CCDC60: variants seen among roughly 807,000 people sequenced by gnomAD.
CCDC60 encodes coiled-coil domain-containing protein 60.
Under a neutral mutation model 63.5 loss-of-function variants are expected in CCDC60, and 54 were observed. That is an observed-to-expected ratio of 0.85 (90% confidence interval 0.68 to 1.07). The LOEUF is 1.07. Among genes scored for constraint, CCDC60 ranks in the 50% least tolerant of loss-of-function variants. CCDC60 has a pLI of 0.00. For missense variants in CCDC60, 651 were observed against 684.3 expected, an observed-to-expected ratio of 0.95 and a Z score of 0.54; for synonymous variants, 206 against 238.8, an observed-to-expected ratio of 0.86 and a Z score of 1.27.
intron 1 of CCDC60, among the ~76,000 whole-genome samples, chr12:119,403,773 C>T (rs964966382): frequency 7.9e-5 from 12 of 152,162 alleles, no homozygotes; most frequent in African/African-American, 1.9e-4. Flanking sequence ...ACCTCCATCC[C>T]GATCTTTGCA....
intron 7 of CCDC60, 144 bp from the exon 8 acceptor site, chr12:119,516,479 T>A (rs549209075): frequency 3.3e-6 from 2 of 606,546 alleles, no homozygotes; most frequent in African/African-American, 3.7e-5. Flanking sequence ...CAGCCACCTC[T>A]TCTGGACCCC....
At chr12:119,532,391 C>T (rs1415278754) in intron 13 of CCDC60, among the ~76,000 whole-genome samples, 1 of 114,394 alleles carries the variant, frequency 8.7e-6, no homozygotes. Context: ...GAGAACATCA[C>T]AGAACTATTA....
intron 1 of CCDC60, among the ~76,000 whole-genome samples, chr12:119,418,410 T>TGGAGA (rs1484929570): frequency 1.5e-4 from 13 of 85,902 alleles, no homozygotes; most frequent in South Asian, 4.2e-4. Context: ...TTTTTTTTTT[T>TGGAGA]TTTTTTTTTT....
At chr12:119,507,565 T>TAC (rs1952055851) in intron 7 of CCDC60, among the ~76,000 whole-genome samples, 1 of 67,586 alleles carries the variant, frequency 1.5e-5, no homozygotes, top group African/African-American at 8.5e-5. Flanking sequence ...TATATATATA[T>TAC]ATATGTATAT....
chr12:119,482,310 GT>G (rs1951346347), intron 4 of CCDC60, among the ~76,000 whole-genome samples: 1 of 151,698 alleles, frequency 6.6e-6, no homozygotes. Flanking sequence ...TTTACACCAG[GT>G]TTGTTACATA....
At chr12:119,517,131 G>A (rs1297121035) in intron 8 of CCDC60, among the ~76,000 whole-genome samples, 1 of 152,062 alleles carries the variant, frequency 6.6e-6, no homozygotes, top group Non-Finnish European at 1.5e-5. Context: ...GGGACTACAG[G>A]CACACACCAC....
chr12:119,485,736 T>G (rs759650529), intron 4 of CCDC60, among the ~76,000 whole-genome samples: 1 of 152,162 alleles, frequency 6.6e-6, no homozygotes, highest in Non-Finnish European at 1.5e-5. Flanking sequence ...CCTAACACAG[T>G]CACACGCTGA....
rs1950760151 is a variant in CCDC60, at chr12:119,456,965, C to A, written c.171-15029C>A. ...ATGCTTTAACTGTCTGGGAATGCAG[C>A]CCAGTAGGTCTCAGCATCATTTTAC... On this transcript the variant is annotated intron_variant, in intron 2 of 13. Coordinates refer to ENST00000327554, the MANE Select transcript of CCDC60 (RefSeq NM_178499.5). The surrounding 1 kb of genome is among the most constrained non-coding windows in gnomAD (Gnocchi z 4.6). Among the ~76,000 whole-genome samples the A allele has an allele frequency of 6.6e-6, 1 of 152,220 alleles. No homozygotes were observed. Among genetic ancestry groups the A allele is most frequent in the Non-Finnish European group, 1.5e-5 (1 of 68,040 alleles).
intron 1 of CCDC60, among the ~76,000 whole-genome samples, chr12:119,353,563 TCTCTCTCCC>T (rs1444182233): frequency 2.0e-5 from 3 of 150,192 alleles, no homozygotes; most frequent in Non-Finnish European, 4.4e-5. Flanking sequence ...TTTCTCTCCT[TCTCTCTCCC>T]CTCTCTCCTT....
At chr12:119,441,960 A>G (rs1950454759) in intron 2 of CCDC60, among the ~76,000 whole-genome samples, 1 of 152,204 alleles carries the variant, frequency 6.6e-6, no homozygotes, top group South Asian at 2.1e-4. Context: ...TTTAGAAGAT[A>G]CTGCCAGTTT....
chr12:119,344,851 TCTCTCA>T (rs1955572429), intron 1 of CCDC60, among the ~76,000 whole-genome samples: 2 of 107,580 alleles, frequency 1.9e-5, no homozygotes, highest in Admixed American at 2.4e-4. Flanking sequence ...TCTCTCTCTC[TCTCTCA>T]CACACACACA....
At chr12:119,507,606 A>ATTTTT (rs1418057144) in intron 7 of CCDC60, among the ~76,000 whole-genome samples, 2 of 26,180 alleles carry the variant, frequency 7.6e-5, no homozygotes, top group African/African-American at 4.1e-4. Context: ...ATATATATAT[A>ATTTTT]TATATATATT....
Position 119,435,637 on chromosome 12 carries a change from A to AG in CCDC60, c.170+6877dup, listed in dbSNP as rs150079167. Among the ~76,000 whole-genome samples, 1,351 of 152,356 alleles carry AG rather than the reference A, an allele frequency of 8.9e-3. 22 individuals carry two copies. The highest frequency in any genetic ancestry group is 0.031 in the African/African-American group (1,268 of 41,572). On this transcript the variant is annotated intron_variant, in intron 2 of 13. Transcript: ENST00000327554. Reference sequence around the variant, plus strand: ...TCTTACAATCTTCCCCGAGGCAGGCAGGAAAAGTCTTGTTGATTAATTCCT... The same window carrying AG: ...TCTTACAATCTTCCCCGAGGCAGGCAGGGAAAAGTCTTGTTGATTAATTCCT...
chr12:119,386,339 G>A (rs1956061220), intron 1 of CCDC60, among the ~76,000 whole-genome samples: 1 of 152,124 alleles, frequency 6.6e-6, no homozygotes, highest in Non-Finnish European at 1.5e-5. Flanking sequence ...GGTTGCAGGG[G>A]TGGAGGGAAA....
chr12:119,387,034 T>TCTCACACACACA lies in CCDC60; in HGVS notation c.91-41648_91-41647insTCACACACACAC, dbSNP rs543330015. 2.9e-3 allele frequency among the ~76,000 whole-genome samples: 305 copies of TCTCACACACACA among 105,430 alleles called. 7 individuals are homozygous for TCTCACACACACA. The highest frequency in any genetic ancestry group is 0.016 in the East Asian group (41 of 2,578). 69.2% of individuals were successfully genotyped at this position (105,430 alleles called of 152,430 possible). On this transcript the variant is annotated intron_variant, in intron 1 of 13. Coordinates refer to ENST00000327554, the MANE Select transcript of CCDC60 (RefSeq NM_178499.5). ...CTCCCTCCCTCCCCCTCTGTCTCTC[T>TCTCACACACACA]CACACACACACACACACACACACAC...
intron 1 of CCDC60, among the ~76,000 whole-genome samples, chr12:119,423,721 G>A (rs963922038): frequency 6.6e-6 from 1 of 152,144 alleles, no homozygotes; most frequent in Admixed American, 6.5e-5. Flanking sequence ...TCTCTAGCTT[G>A]CCTCATCATT....
At chr12:119,422,059 A>G (rs1291535454) in intron 1 of CCDC60, among the ~76,000 whole-genome samples, 1 of 152,180 alleles carries the variant, frequency 6.6e-6, no homozygotes, top group African/African-American at 2.4e-5. Context: ...TCTTGCTCTC[A>G]AAAACTCATT....
intron 1 of CCDC60, among the ~76,000 whole-genome samples, chr12:119,341,460 A>G (rs1267276624): frequency 6.6e-6 from 1 of 152,236 alleles, no homozygotes; most frequent in East Asian, 1.9e-4. Flanking sequence ...GGTGGGTTCA[A>G]ATCCTCTTTT....
intron 1 of CCDC60, among the ~76,000 whole-genome samples, chr12:119,351,387 TA>T (rs1024879898): frequency 6.6e-6 from 1 of 152,140 alleles, no homozygotes; most frequent in African/African-American, 2.4e-5. Flanking sequence ...CACATTGCTA[TA>T]AAAAAATACC....
Sources: gnomAD v4.1 joint callset for allele counts (sites outside exome capture counted in the v4.1 genomes callset) on GRCh38, gnomAD v4.1.1 for gene constraint, Gnocchi (gnomAD v3.1) non-coding constraint, MANE v1.5 for transcripts, NCBI Gene and HGNC (gene_info 2026-07-23, HGNC 2026-07-21) for gene names.